Variants in SHANK2 observed in about 807,000 individuals in gnomAD.
The protein encoded by SHANK2 is SH3 and multiple ankyrin repeat domains 2.
A neutral mutation model predicts 133.7 loss-of-function variants in SHANK2; 43 were observed. The ratio of observed to expected loss-of-function variants is 0.32; its 90% CI spans 0.25 to 0.41. The LOEUF (loss-of-function observed/expected upper bound fraction) is 0.41. Ranked by LOEUF, SHANK2 falls within the 10% of genes least tolerant of loss-of-function variation. The probability of loss-of-function intolerance (pLI) is 1.00; values close to 1 mark genes in which losing one functional copy is unlikely to be tolerated. For missense variants in SHANK2, 1,994 were observed against 2,235.8 expected (o/e 0.89, Z 2.18); for synonymous variants, 1,017 against 952.8 (o/e 1.07, Z -1.24).
chr11:70,682,580 A>G (rs1386919108), intron 15 of SHANK2, among the ~76,000 whole-genome samples: 13 of 152,248 alleles, frequency 8.5e-5, no homozygotes, highest in African/African-American at 3.1e-4. Flanking sequence ...ATATTTCTGC[A>G]TTCTTTGAAT....
rs1186144718 is a variant in SHANK2, at chr11:70,955,422, G to GGTGTGTGTGTGTGTGTGT, written c.1108-58873_1108-58856dup. On this transcript the variant is annotated intron_variant, in intron 10 of 25. Transcript: ENST00000601538. ...GTTCTCCAGAGACACAGACCCACGG[G>GGTGTGTGTGTGTGTGTGT]GTGTGTGTGTGTGTGTGTGTGTGTG... Among the ~76,000 whole-genome samples the GGTGTGTGTGTGTGTGTGT allele has an allele frequency of 5.7e-4, 84 of 146,562 alleles. 1 individual carries two copies. The highest frequency in any genetic ancestry group is 2.0e-3 in the African/African-American group (77 of 38,986).
intron 14 of SHANK2, among the ~76,000 whole-genome samples, chr11:70,709,471 C>G (rs1411787497): frequency 6.6e-6 from 1 of 152,164 alleles, no homozygotes; most frequent in Non-Finnish European, 1.5e-5. Flanking sequence ...TCAGGTCTGA[C>G]CTGGCTGAGG....
intron 1 of SHANK2, among the ~76,000 whole-genome samples, chr11:71,234,707 C>T (rs1275096933): frequency 6.6e-6 from 1 of 152,088 alleles, no homozygotes; most frequent in Non-Finnish European, 1.5e-5. Context: ...CCCCACTGCC[C>T]GCATTCGAGC....
chr11:70,514,752 A>G (rs1554969738), intron 17 of SHANK2, among the ~76,000 whole-genome samples: 1 of 152,250 alleles, frequency 6.6e-6, no homozygotes, highest in East Asian at 1.9e-4. Context: ...TGGAAAAATT[A>G]AAATAAGGTT....
rs142444295 is a variant in SHANK2, at chr11:70,473,405, G to A, written c.5014C>T (p.Arg1672Trp). ...ACAGTGAAGGTGACCGTCGTGCTCC[G>A]TGTACCTGAGATGGTGCTCATGATC... is the stretch of plus-strand genomic sequence containing the variant. ...PEIMSTISGT[R>W]STTVTFTVRP... The change falls in exon 26 of 26, where the codon CGG becomes TGG. Residue 1672 changes from arginine to tryptophan, a missense_variant. Arg to Trp is a moderately radical substitution (Grantham distance 101). Coordinates refer to ENST00000601538, the MANE Select transcript of SHANK2 (RefSeq NM_012309.5). This position sits in a 1 kb window ranked among gnomAD's most constrained non-coding sequence, Gnocchi z 5.9. 5.6e-6 allele frequency: 9 copies of A among 1,607,298 alleles called. No individual in the cohort carries two copies. Among genetic ancestry groups the A allele is most frequent in the Non-Finnish European group, 5.1e-6 (6 of 1,179,968 alleles).
At chr11:70,922,985 C>T (rs1950372034) in intron 10 of SHANK2, among the ~76,000 whole-genome samples, 1 of 152,136 alleles carries the variant, frequency 6.6e-6, no homozygotes, top group Admixed American at 6.5e-5. Context: ...ACATTTGTAA[C>T]TTACGATTAA....
chr11:71,215,420 C>T (rs1011316315), intron 2 of SHANK2, among the ~76,000 whole-genome samples: 8 of 152,226 alleles, frequency 5.3e-5, no homozygotes, highest in Non-Finnish European at 8.8e-5. Context: ...GCCCTGGTCA[C>T]CCCTGGCTGC....
intron 8 of SHANK2, among the ~76,000 whole-genome samples, chr11:71,089,957 C>A (rs1951477781): frequency 6.6e-6 from 1 of 152,146 alleles, no homozygotes; most frequent in Non-Finnish European, 1.5e-5. Context: ...AGGGACAAAG[C>A]GAGGGCAGGG....
At chr11:70,521,727 C>A (rs2059333166) in intron 17 of SHANK2, among the ~76,000 whole-genome samples, 1 of 152,134 alleles carries the variant, frequency 6.6e-6, no homozygotes, top group Non-Finnish European at 1.5e-5. Context: ...CACATTCCCT[C>A]CCCACCTTCC....
chr11:70,584,834 C>T (rs749187922), intron 17 of SHANK2, among the ~76,000 whole-genome samples: 4 of 152,208 alleles, frequency 2.6e-5, no homozygotes, highest in East Asian at 1.9e-4. Flanking sequence ...TAAAACACTG[C>T]GGTACACAGG....
At chr11:70,835,730 G>A (rs1161644491) in intron 11 of SHANK2, among the ~76,000 whole-genome samples, 3 of 152,188 alleles carry the variant, frequency 2.0e-5, no homozygotes, top group Non-Finnish European at 2.9e-5. Flanking sequence ...GGTGGAAGAT[G>A]TGAGTCCTGG....
At chr11:70,953,656 G>A (rs540664024) in intron 10 of SHANK2, among the ~76,000 whole-genome samples, 5 of 152,264 alleles carry the variant, frequency 3.3e-5, no homozygotes, top group South Asian at 4.1e-4. Context: ...AGTTCTTGCC[G>A]TGCTAGCAGC....
chr11:71,208,629 C>T (rs1555118395), intron 2 of SHANK2, among the ~76,000 whole-genome samples: 2 of 151,932 alleles, frequency 1.3e-5, no homozygotes, highest in Non-Finnish European at 2.9e-5. Context: ...GCAAGGGAGA[C>T]CAACGAGCAG....
intron 17 of SHANK2, among the ~76,000 whole-genome samples, chr11:70,653,881 G>A (rs539159459): frequency 6.6e-6 from 1 of 152,286 alleles, no homozygotes; most frequent in South Asian, 2.1e-4. Context: ...TGATCTGCCT[G>A]CCTTGGCCTC....
At chr11:70,482,804 T>C (rs1323640157) in intron 25 of SHANK2, among the ~76,000 whole-genome samples, 7 of 152,226 alleles carry the variant, frequency 4.6e-5, no homozygotes, top group African/African-American at 1.7e-4. Flanking sequence ...AGCAGGATTC[T>C]GCCCTATGAA....
chr11:71,079,923 AG>A (rs1289259743), intron 8 of SHANK2, among the ~76,000 whole-genome samples: 1 of 80,794 alleles, frequency 1.2e-5, no homozygotes, highest in Non-Finnish European at 2.4e-5. Context: ...AAGGAAGGGG[AG>A]GGAAGGAGAG....
At chr11:70,504,395 G>C (rs1334656557) in intron 17 of SHANK2, among the ~76,000 whole-genome samples, 2 of 126,830 alleles carry the variant, frequency 1.6e-5, no homozygotes, top group African/African-American at 5.2e-5. Context: ...TGCCAGTTTT[G>C]GTCACCTACG....
At chr11:70,703,044 AG>A (rs1945572441) in intron 14 of SHANK2, among the ~76,000 whole-genome samples, 1 of 152,224 alleles carries the variant, frequency 6.6e-6, no homozygotes, top group African/African-American at 2.4e-5. Context: ...CTGCCTCCCA[AG>A]GTGGCCTCTC....
chr11:70,671,043 A>G (rs1331263779), intron 15 of SHANK2, among the ~76,000 whole-genome samples: 1 of 152,224 alleles, frequency 6.6e-6, no homozygotes, highest in African/African-American at 2.4e-5. Flanking sequence ...CATTGCTAAC[A>G]TGATAAGCAA....
Sources: gnomAD v4.1 joint callset for allele counts (sites outside exome capture counted in the v4.1 genomes callset) on GRCh38, gnomAD v4.1.1 for gene constraint, Gnocchi (gnomAD v3.1) non-coding constraint, MANE v1.5 for transcripts, NCBI Gene and HGNC (gene_info 2026-07-23, HGNC 2026-07-21) for gene names.